GBE1: variants seen among roughly 807,000 people sequenced by gnomAD.
GBE1 encodes the protein 1,4-alpha-glucan branching enzyme 1, also known as 1,4-alpha-glucan-branching enzyme.
GBE1 carries 70 observed loss-of-function variants against 88.8 expected under a neutral mutation model. The observed-to-expected ratio is 0.79, with a 90% CI of 0.65 to 0.96. GBE1 has a LOEUF of 0.96. GBE1 is among the 40% of genes least tolerant of loss of function. The probability of loss-of-function intolerance (pLI) is 0.00; values close to 1 mark genes in which losing one functional copy is unlikely to be tolerated. For missense variants in GBE1, 872 were observed against 871.0 expected (o/e 1.00, Z -0.01); for synonymous variants, 284 against 300.1 (o/e 0.95, Z 0.56).
chr3:81,660,233 CT>C (rs1405228956), intron 3 of GBE1, among the ~76,000 whole-genome samples: 1 of 152,046 alleles, frequency 6.6e-6, no homozygotes, highest in Non-Finnish European at 1.5e-5. Context: ...TTGGAGTGAC[CT>C]TTGGATAATG....
chr3:81,565,056 A>C (rs1474794673), intron 12 of GBE1, among the ~76,000 whole-genome samples: 1 of 152,136 alleles, frequency 6.6e-6, no homozygotes. Flanking sequence ...GGTTCTCATT[A>C]AATGCCAGCT....
At chr3:81,621,156 TCA>T (rs971457288) in intron 7 of GBE1, among the ~76,000 whole-genome samples, 1 of 152,196 alleles carries the variant, frequency 6.6e-6, no homozygotes, top group African/African-American at 2.4e-5. Context: ...CATTTGTGAG[TCA>T]CATGTCAAAT....
At chr3:81,516,492 A>C (rs1051406182) in intron 14 of GBE1, among the ~76,000 whole-genome samples, 1 of 151,546 alleles carries the variant, frequency 6.6e-6, no homozygotes, top group Non-Finnish European at 1.5e-5. Flanking sequence ...TGTACAAGGA[A>C]ATTAATGTTG....
chr3:81,564,972 T>A (rs892975381), intron 12 of GBE1, among the ~76,000 whole-genome samples: 2 of 152,152 alleles, frequency 1.3e-5, no homozygotes, highest in African/African-American at 4.8e-5. Flanking sequence ...CTCTTGGGCT[T>A]CAATATGTTA....
intron 14 of GBE1, among the ~76,000 whole-genome samples, chr3:81,526,337 T>G (rs1702944206): frequency 6.6e-6 from 1 of 152,074 alleles, no homozygotes; most frequent in South Asian, 2.1e-4. Flanking sequence ...CTCTCACCAC[T>G]CCTATTCAAC....
At chr3:81,545,493 T>A (rs974534218) in intron 12 of GBE1, among the ~76,000 whole-genome samples, 1 of 152,072 alleles carries the variant, frequency 6.6e-6, no homozygotes, top group African/African-American at 2.4e-5. Context: ...ACATGCTAGA[T>A]GAGGCCAACA....
At chr3:81,609,258 A>C (rs1704141492) in intron 7 of GBE1, among the ~76,000 whole-genome samples, 1 of 152,176 alleles carries the variant, frequency 6.6e-6, no homozygotes, top group Non-Finnish European at 1.5e-5. Flanking sequence ...CTACGTGGCC[A>C]ATTTTGGGAT....
In GBE1 at chr3:81,761,447, T is replaced by G; in HGVS notation, c.71A>C (p.Asp24Ala). Residue 24 changes from aspartate to alanine, a missense_variant, in exon 1 of 16, where the codon GAC (aspartate) becomes GCC (alanine). Transcript: ENST00000429644. ...CAGGAGTCTGGCCAGTTCGGGCACG[T>G]CAGCCAGGGCGGCATTGAGCGCCGC... Reference protein sequence around the residue: ...YEAALNAALADVPELARLLEI... With the variant: ...YEAALNAALAAVPELARLLEI... 1 of 1,613,604 alleles carries G rather than the reference T, an allele frequency of 6.2e-7. No individual in the cohort carries two copies. The highest frequency in any genetic ancestry group is 8.5e-7 in the Non-Finnish European group (1 of 1,179,698).
At chr3:81,736,500 A>T (rs1366647940) in intron 1 of GBE1, among the ~76,000 whole-genome samples, 4 of 152,170 alleles carry the variant, frequency 2.6e-5, no homozygotes, top group Non-Finnish European at 5.9e-5. Context: ...TCCTTAGTCT[A>T]CTTAGAATTC....
At chr3:81,585,934 C>T (rs1005495408) in intron 10 of GBE1, among the ~76,000 whole-genome samples, 158 bp downstream of exon 10, 3 of 152,074 alleles carry the variant, frequency 2.0e-5, no homozygotes, top group African/African-American at 7.2e-5. Context: ...TTTTGAGAAG[C>T]ACCTTATTAA....
intron 15 of GBE1, among the ~76,000 whole-genome samples, chr3:81,493,937 ACACT>A (rs1383275828): frequency 6.6e-6 from 1 of 152,038 alleles, no homozygotes; most frequent in Non-Finnish European, 1.5e-5. Flanking sequence ...TGCTCCAAGA[ACACT>A]CACTAACTGA....
At chr3:81,591,214 T>TA (rs1275067794) in intron 8 of GBE1, 50 bp from the exon 9 acceptor site, 2 of 1,413,282 alleles carry the variant, frequency 1.4e-6, no homozygotes, top group South Asian at 2.8e-5. Flanking sequence ...AAGCAAGTCT[T>TA]AACTCTGCAC....
intron 3 of GBE1, 189 bp from the exon 4 acceptor site, chr3:81,650,110 C>T (rs868344131): frequency 1.3e-4 from 58 of 438,488 alleles, no homozygotes; most frequent in African/African-American, 1.2e-3. Flanking sequence ...GTTACTATAT[C>T]ATCCTTAAAG....
chr3:81,718,083 G>C (rs367791982), intron 1 of GBE1, among the ~76,000 whole-genome samples: 3 of 151,750 alleles, frequency 2.0e-5, no homozygotes, highest in African/African-American at 7.3e-5. Context: ...GGCTTCAGGC[G>C]AATCTCCTGA....
intron 2 of GBE1, among the ~76,000 whole-genome samples, chr3:81,700,764 C>A (rs371407055): frequency 6.6e-6 from 1 of 152,080 alleles, no homozygotes; most frequent in Non-Finnish European, 1.5e-5. Context: ...TCCCACTCTG[C>A]AAAAATATCA....
chr3:81,586,683 G>A (rs1230694865), intron 9 of GBE1, among the ~76,000 whole-genome samples: 1 of 152,158 alleles, frequency 6.6e-6, no homozygotes, highest in Non-Finnish European at 1.5e-5. Flanking sequence ...TTTTACTAGA[G>A]TAGGTTACAC....
rs142658369 is a variant in GBE1, at chr3:81,618,508, A to G, written c.992+24273T>C. ...ATGATTCTACATGATCCCACTGAAAAGGATCATTTTCGTGTTAATTTTTAG... is the reference window on the plus strand; with the variant it reads ...ATGATTCTACATGATCCCACTGAAAGGGATCATTTTCGTGTTAATTTTTAG... On this transcript the variant is annotated intron_variant, in intron 7 of 15. Coordinates refer to ENST00000429644, the MANE Select transcript of GBE1 (RefSeq NM_000158.4). 4.6e-3 allele frequency among the ~76,000 whole-genome samples: 702 copies of G among 152,218 alleles called. 14 individuals are homozygous for G. The highest frequency in any genetic ancestry group is 0.016 in the African/African-American group (665 of 41,560).
chr3:81,650,418 C>T (rs1347094574), intron 3 of GBE1: 1 of 152,822 alleles, frequency 6.5e-6, no homozygotes, highest in East Asian at 1.9e-4. Context: ...CAGACACATA[C>T]ATTTTCCACA....
chr3:81,504,900 T>C (rs1702634446), intron 14 of GBE1, among the ~76,000 whole-genome samples: 1 of 152,184 alleles, frequency 6.6e-6, no homozygotes, highest in Admixed American at 6.5e-5. Context: ...CTCCCACTGA[T>C]GAAGCTAAGG....
Sources: gnomAD v4.1 joint callset for allele counts (sites outside exome capture counted in the v4.1 genomes callset) on GRCh38, gnomAD v4.1.1 for gene constraint, MANE v1.5 for transcripts, NCBI Gene and HGNC (gene_info 2026-07-23, HGNC 2026-07-21) for gene names.